ZEB1: variants seen among roughly 807,000 people sequenced by gnomAD.
ZEB1 encodes zinc finger E-box-binding homeobox 1.
A neutral mutation model predicts 84.9 loss-of-function variants in ZEB1; 21 were observed. The observed-to-expected ratio is 0.25, with a 90% CI of 0.18 to 0.36. The LOEUF (loss-of-function observed/expected upper bound fraction) is 0.36, where lower values mean the gene tolerates loss of function less well. ZEB1 is among the 10% of genes least tolerant of loss of function. ZEB1 has a pLI of 1.00. For synonymous variants in ZEB1, 420 were observed against 471.1 expected (o/e 0.89, Z 1.41); for missense variants, 1,104 against 1,330.2 (o/e 0.83, Z 2.65).
rs542424219 is a variant in ZEB1 at position 31,427,621 on chromosome 10, A to G, written c.59-33416A>G. Among the ~76,000 whole-genome samples, 15 of 152,306 alleles carry G rather than the reference A, an allele frequency of 9.8e-5. No homozygotes were observed. The South Asian group carries it at 2.3e-3, about 23-fold the overall frequency. Reference sequence around the variant, plus strand: ...GTAATCCCAGCACTTTGGGAGGCCAAGGCGGGTGGATCACGAGGTCAGGAG... The same window carrying G: ...GTAATCCCAGCACTTTGGGAGGCCAGGGCGGGTGGATCACGAGGTCAGGAG... On this transcript the variant is annotated intron_variant, in intron 1 of 8. Transcript: ENST00000424869.
At chr10:31,370,304 G>T (rs1316631178) in intron 1 of ZEB1, among the ~76,000 whole-genome samples, 1 of 152,066 alleles carries the variant, frequency 6.6e-6, no homozygotes, top group Non-Finnish European at 1.5e-5. Context: ...AGGGTGCCAG[G>T]ATGTGAAAGA....
At chr10:31,413,745 G>C (rs933846856) in intron 1 of ZEB1, among the ~76,000 whole-genome samples, 5 of 152,044 alleles carry the variant, frequency 3.3e-5, no homozygotes, top group African/African-American at 1.2e-4. Flanking sequence ...TGACTATTAA[G>C]AATATAGATA....
At chr10:31,411,503 G>T (rs1193371359) in intron 1 of ZEB1, among the ~76,000 whole-genome samples, 3 of 151,962 alleles carry the variant, frequency 2.0e-5, no homozygotes, top group Non-Finnish European at 4.4e-5. Flanking sequence ...GCGGTGGCGG[G>T]CGCCTGTAGT....
At chr10:31,458,973 A>G (rs2061537147) in intron 1 of ZEB1, among the ~76,000 whole-genome samples, 1 of 152,146 alleles carries the variant, frequency 6.6e-6, no homozygotes, top group Non-Finnish European at 1.5e-5. Context: ...TCGAAAATGC[A>G]TTTAATATAC....
At chr10:31,438,839 G>A (rs191308153) in intron 1 of ZEB1, among the ~76,000 whole-genome samples, 60 of 152,198 alleles carry the variant, frequency 3.9e-4, no homozygotes, top group African/African-American at 1.4e-3. Flanking sequence ...GTGAGACCTC[G>A]TGTCTAAAAT....
intron 1 of ZEB1, among the ~76,000 whole-genome samples, chr10:31,368,035 T>A (rs1196313950): frequency 6.6e-6 from 1 of 152,116 alleles, no homozygotes; most frequent in African/African-American, 2.4e-5. Context: ...TGTGTCTATA[T>A]GTATAGTCAT....
At chr10:31,329,839 A>G (rs537186347) in intron 1 of ZEB1, among the ~76,000 whole-genome samples, 21 of 152,056 alleles carry the variant, frequency 1.4e-4, no homozygotes, top group Admixed American at 1.3e-4. Flanking sequence ...GGCCACTTGT[A>G]TATTTTCCTT....
At position 31,520,536 on chromosome 10, in the gene ZEB1, T is replaced by C; in HGVS notation, c.1204T>C (p.Leu402=). The part of the protein sequence containing the change: ...VQAVVLPTVG[L]VSPISINLSD... ...AGCTGTTGTTCTGCCAACAGTTGGT[T>C]TGGTGTCTCCCATAAGTATCAATTT... The change falls in exon 7 of 9, where the codon TTG becomes CTG. Residue 402 remains leucine, a synonymous_variant. Coordinates refer to ENST00000424869, the MANE Select transcript of ZEB1 (RefSeq NM_001174096.2). The surrounding 1 kb of genome is among the most constrained non-coding windows in gnomAD (Gnocchi z 5.1). The C allele has an allele frequency of 6.2e-7, 1 of 1,613,688 alleles. No individual in the cohort carries two copies.
intron 1 of ZEB1, among the ~76,000 whole-genome samples, chr10:31,439,804 C>T (rs2058705109): frequency 6.6e-6 from 1 of 151,970 alleles, no homozygotes; most frequent in African/African-American, 2.4e-5. Flanking sequence ...ATGCAGTGAG[C>T]CGGGGTAAAG....
At chr10:31,482,185 G>A (rs1461310307) in intron 2 of ZEB1, among the ~76,000 whole-genome samples, 1 of 151,994 alleles carries the variant, frequency 6.6e-6, no homozygotes, top group Non-Finnish European at 1.5e-5. Context: ...TGTGCCACTA[G>A]TGTGGTATAT....
chr10:31,370,450 T>G (rs2045497781), intron 1 of ZEB1, among the ~76,000 whole-genome samples: 1 of 152,160 alleles, frequency 6.6e-6, no homozygotes, highest in Non-Finnish European at 1.5e-5. Flanking sequence ...GGAATTACCA[T>G]TTTTAGAGAG....
At chr10:31,510,639 TTTAAA>T (rs749827698) in intron 4 of ZEB1, 29 bp from the exon 5 acceptor site, 1 of 1,577,666 alleles carries the variant, frequency 6.3e-7, no homozygotes, top group Non-Finnish European at 8.7e-7. Flanking sequence ...TTCTGAATGT[TTTAAA>T]TTTAAAATAT....
At chr10:31,388,632 A>T (rs1021203102) in intron 1 of ZEB1, among the ~76,000 whole-genome samples, 1 of 152,138 alleles carries the variant, frequency 6.6e-6, no homozygotes, top group Non-Finnish European at 1.5e-5. Context: ...AGGTAAACTT[A>T]AAAGATTTAA....
At chr10:31,405,615 T>C (rs2052830699) in intron 1 of ZEB1, among the ~76,000 whole-genome samples, 1 of 152,088 alleles carries the variant, frequency 6.6e-6, no homozygotes, top group African/African-American at 2.4e-5. Context: ...CCCATTGTGG[T>C]TTTTACACAG....
intron 2 of ZEB1, among the ~76,000 whole-genome samples, chr10:31,469,934 C>T (rs919336601): frequency 9.2e-5 from 14 of 152,202 alleles, no homozygotes; most frequent in Admixed American, 8.5e-4. Context: ...AACTGGGAGG[C>T]ACCCCCCAGC....
chr10:31,444,613 G>A (rs1362918070), intron 1 of ZEB1, among the ~76,000 whole-genome samples: 2 of 151,816 alleles, frequency 1.3e-5, no homozygotes, highest in African/African-American at 4.8e-5. Context: ...AAGGGATCCA[G>A]TTTCAGCTTT....
intron 2 of ZEB1, among the ~76,000 whole-genome samples, chr10:31,477,705 G>A (rs2064432532): frequency 6.6e-6 from 1 of 151,908 alleles, no homozygotes; most frequent in African/African-American, 2.4e-5. Context: ...CATAAATAAA[G>A]TGACATACCT....
intron 5 of ZEB1, among the ~76,000 whole-genome samples, chr10:31,512,818 G>A (rs2070340491): frequency 6.6e-6 from 1 of 152,124 alleles, no homozygotes; most frequent in African/African-American, 2.4e-5. Flanking sequence ...CTGAGAATGG[G>A]ATATCTGAAT....
At chr10:31,487,841 T>C (rs1319616682) in intron 2 of ZEB1, among the ~76,000 whole-genome samples, 1 of 151,328 alleles carries the variant, frequency 6.6e-6, no homozygotes, top group African/African-American at 2.4e-5. Context: ...TAAATGTTGC[T>C]TTTTTTCAAA....
Sources: gnomAD v4.1 joint callset for allele counts (sites outside exome capture counted in the v4.1 genomes callset) on GRCh38, gnomAD v4.1.1 for gene constraint, Gnocchi (gnomAD v3.1) non-coding constraint, MANE v1.5 for transcripts, NCBI Gene and HGNC (gene_info 2026-07-23, HGNC 2026-07-21) for gene names.